Variants in CACNA1C observed in about 807,000 individuals in gnomAD.
The protein encoded by CACNA1C is calcium voltage-gated channel subunit alpha1 C.
Under a neutral mutation model 229.0 loss-of-function variants are expected in CACNA1C, and 30 were observed. The ratio of observed to expected loss-of-function variants is 0.13; its 90% CI spans 0.10 to 0.18. The LOEUF is 0.18. CACNA1C is among the 10% of genes least tolerant of loss of function. CACNA1C has a pLI of 1.00. For missense variants in CACNA1C, 1,658 were observed against 2,845.0 expected (o/e 0.58, Z 9.49); for synonymous variants, 1,114 against 1,132.5 (o/e 0.98, Z 0.33).
At chr12:2,652,607 G>A (rs1409201358) in intron 32 of CACNA1C, among the ~76,000 whole-genome samples, 8 of 152,192 alleles carry the variant, frequency 5.3e-5, no homozygotes, top group Non-Finnish European at 7.3e-5. Flanking sequence ...GTCCCTGCCC[G>A]GGGACAGGGC....
intron 3 of CACNA1C, among the ~76,000 whole-genome samples, chr12:2,243,322 A>C (rs1484828916): frequency 6.6e-6 from 1 of 152,220 alleles, no homozygotes; most frequent in African/African-American, 2.4e-5. Context: ...GTAATTGCTG[A>C]TGAATTGAAT....
intron 3 of CACNA1C, among the ~76,000 whole-genome samples, chr12:2,206,992 G>A (rs1202007716): frequency 1.3e-5 from 2 of 152,210 alleles, no homozygotes; most frequent in African/African-American, 4.8e-5. Flanking sequence ...AAAGTCTTGA[G>A]TTACATTTCA....
chr12:2,691,902 T>C lies in CACNA1C; in HGVS notation c.*703T>C, dbSNP rs1353731019. On this transcript the variant is annotated 3_prime_UTR_variant, in exon 47 of 47. Coordinates refer to ENST00000399655, the MANE Select transcript of CACNA1C (RefSeq NM_000719.7). Reference sequence around the variant, plus strand: ...TGCTGAGCTTCCGCTGAGCGCTCTTTTGTTTTGTGGTTTGACACTTTTCTT... The same window carrying C: ...TGCTGAGCTTCCGCTGAGCGCTCTTCTGTTTTGTGGTTTGACACTTTTCTT... 6.6e-6 allele frequency: 1 copy of C among 152,130 alleles called. No individual in the cohort carries two copies. The highest frequency in any genetic ancestry group is 1.5e-5 in the Non-Finnish European group (1 of 68,008). 9.4% of individuals were successfully genotyped at this position (152,130 alleles called of 1,614,324 possible).
At chr12:2,596,042 G>A (rs1188287509) in intron 20 of CACNA1C, 39 bp downstream of exon 20, 3 of 1,571,942 alleles carry the variant, frequency 1.9e-6, no homozygotes, top group Non-Finnish European at 2.6e-6. Flanking sequence ...CTTCCCCCTG[G>A]GGCTGTGCCA....
chr12:2,360,173 C>CCCT (rs2097522720), intron 3 of CACNA1C, among the ~76,000 whole-genome samples: 1 of 113,716 alleles, frequency 8.8e-6, no homozygotes, highest in African/African-American at 4.0e-5. Flanking sequence ...CCCACCCCCC[C>CCCT]ACCCCACACA....
chr12:2,272,485 C>T (rs1028433564), intron 3 of CACNA1C, among the ~76,000 whole-genome samples: 5 of 152,176 alleles, frequency 3.3e-5, no homozygotes, highest in Admixed American at 1.3e-4. Flanking sequence ...TGCCTTGAGC[C>T]GGAAGCCAGA....
Position 2,135,040 on chromosome 12 carries a change from A to G in CACNA1C, c.477+14610A>G, listed in dbSNP as rs1458230484. Among the ~76,000 whole-genome samples, 26 of 143,146 alleles carry G rather than the reference A, an allele frequency of 1.8e-4. 1 individual carries two copies. Among genetic ancestry groups the G allele is most frequent in the African/African-American group, 4.6e-4 (17 of 36,970 alleles). 93.9% of individuals were successfully genotyped at this position (143,146 alleles called of 152,430 possible). Reference sequence around the variant, plus strand: ...CTTTTTTCTCTAAACTTCCCTTCTCACTTCATTTCATTCATTTCATCTTCC... The same window carrying G: ...CTTTTTTCTCTAAACTTCCCTTCTCGCTTCATTTCATTCATTTCATCTTCC... On this transcript the variant is annotated intron_variant, in intron 3 of 46. Transcript: ENST00000399655.
intron 3 of CACNA1C, among the ~76,000 whole-genome samples, chr12:2,199,788 G>T (rs1344546262): frequency 6.6e-6 from 1 of 152,152 alleles, no homozygotes; most frequent in South Asian, 2.1e-4. Flanking sequence ...TATGTAAAGT[G>T]GCACCATTTA....
At chr12:2,326,241 T>G (rs1275838092) in intron 3 of CACNA1C, among the ~76,000 whole-genome samples, 4 of 152,202 alleles carry the variant, frequency 2.6e-5, no homozygotes, top group Non-Finnish European at 5.9e-5. Context: ...AGGTGGACGG[T>G]ATAAGCTGCC....
At chr12:2,383,635 T>C (rs1030866414) in intron 3 of CACNA1C, among the ~76,000 whole-genome samples, 3 of 152,154 alleles carry the variant, frequency 2.0e-5, no homozygotes, top group Non-Finnish European at 2.9e-5. Flanking sequence ...ATAATCATCC[T>C]AAGAAAGGAT....
Position 2,378,824 on chromosome 12 carries a change from C to T in CACNA1C, c.478-70152C>T, listed in dbSNP as rs73035466. 4.1e-3 allele frequency among the ~76,000 whole-genome samples: 594 copies of T among 146,360 alleles called. 7 individuals are homozygous for T. Among genetic ancestry groups the T allele is most frequent in the East Asian group, 0.024 (118 of 4,976 alleles). On this transcript the variant is annotated intron_variant, in intron 3 of 46. Coordinates refer to ENST00000399655, the MANE Select transcript of CACNA1C (RefSeq NM_000719.7). ...TTCCTTCCTTCCTTCCTTCCTCTCT[C>T]TCTTTCCTTCTTTTTTTCTTTCCTT...
chr12:2,219,429 A>G (rs1194908240), intron 3 of CACNA1C, among the ~76,000 whole-genome samples: 1 of 152,130 alleles, frequency 6.6e-6, no homozygotes, highest in Non-Finnish European at 1.5e-5. Context: ...AGGGCTGCCA[A>G]CTCAACCCTG....
chr12:2,607,388 A>G (rs1601890068), intron 26 of CACNA1C: 5 of 421,896 alleles, frequency 1.2e-5, no homozygotes, highest in African/African-American at 2.0e-5. Flanking sequence ...CAACCTCAGC[A>G]TGAGCCACGA....
intron 7 of CACNA1C, among the ~76,000 whole-genome samples, chr12:2,503,414 A>G (rs1193390980): frequency 6.6e-6 from 1 of 152,254 alleles, no homozygotes; most frequent in African/African-American, 2.4e-5. Context: ...AAGGCATCAG[A>G]AGAGATAGCT....
chr12:2,449,244 GA>G, intron 4 of CACNA1C, 129 bp downstream of exon 4: 1 of 603,634 alleles, frequency 1.7e-6, no homozygotes. Context: ...TCTAGAGTGA[GA>G]AAAATGAGAT....
chr12:2,691,241 G>A lies in CACNA1C; in HGVS notation c.*42G>A. 1.3e-6 allele frequency: 2 copies of A among 1,492,922 alleles called. No homozygotes were observed. The highest frequency in any genetic ancestry group is 1.8e-6 in the Non-Finnish European group (2 of 1,120,742). 92.5% of individuals were successfully genotyped at this position (1,492,922 alleles called of 1,614,324 possible). On this transcript the variant is annotated 3_prime_UTR_variant, in exon 47 of 47. Coordinates refer to ENST00000399655, the MANE Select transcript of CACNA1C (RefSeq NM_000719.7). ...CGGGCTTTTTTTTATTTGTTTCAAT[G>A]TTCCTAATGGGTTCGTTTCAGAAGT...
intron 1 of CACNA1C, among the ~76,000 whole-genome samples, chr12:2,098,614 T>C (rs1398090334): frequency 2.0e-5 from 3 of 152,246 alleles, no homozygotes; most frequent in Admixed American, 6.5e-5. Context: ...AATTCTGTGT[T>C]CTGAATTATC....
chr12:2,648,447 G>C (rs1270308404), intron 30 of CACNA1C, 28 bp from the exon 31 acceptor site: 10 of 1,612,062 alleles, frequency 6.2e-6, no homozygotes, highest in Non-Finnish European at 8.5e-6. Flanking sequence ...ACTCATTACA[G>C]CTTATCTCTA....
At chr12:2,202,728 T>C (rs1301224271) in intron 3 of CACNA1C, among the ~76,000 whole-genome samples, 1 of 152,188 alleles carries the variant, frequency 6.6e-6, no homozygotes, top group African/African-American at 2.4e-5. Context: ...TGAAGCATCC[T>C]TGGACGCTTA....
Sources: gnomAD v4.1 joint callset for allele counts (sites outside exome capture counted in the v4.1 genomes callset) on GRCh38, gnomAD v4.1.1 for gene constraint, MANE v1.5 for transcripts, NCBI Gene and HGNC (gene_info 2026-07-23, HGNC 2026-07-21) for gene names.